TRIM44: variants seen among roughly 807,000 people sequenced by gnomAD.
TRIM44 encodes the protein tripartite motif containing 44.
TRIM44 carries 13 observed loss-of-function variants against 37.4 expected under a neutral mutation model. That is an observed-to-expected ratio of 0.35 (90% CI 0.23 to 0.55). TRIM44 has a LOEUF of 0.55. Among genes scored for constraint, TRIM44 ranks in the 20% least tolerant of loss-of-function variants. The probability of loss-of-function intolerance (pLI) is 0.89; values close to 1 mark genes in which losing one functional copy is unlikely to be tolerated. For synonymous variants in TRIM44, 175 were observed against 157.2 expected, an observed-to-expected ratio of 1.11 and a Z score of -0.85; for missense variants, 426 against 437.2, an observed-to-expected ratio of 0.97 and a Z score of 0.23.
At chr11:35,668,300 C>G (rs1269349312) in intron 1 of TRIM44, among the ~76,000 whole-genome samples, 2 of 152,186 alleles carry the variant, frequency 1.3e-5, no homozygotes, top group African/African-American at 4.8e-5. Flanking sequence ...CTGCACAGAT[C>G]ATCCCATCAC....
intron 4 of TRIM44, among the ~76,000 whole-genome samples, chr11:35,767,799 C>T (rs1399580840): frequency 6.6e-6 from 1 of 152,102 alleles, no homozygotes; most frequent in Non-Finnish European, 1.5e-5. Flanking sequence ...GATGTTTCAT[C>T]CATGCAATGC....
intron 1 of TRIM44, among the ~76,000 whole-genome samples, chr11:35,669,871 G>A (rs1325528873): frequency 6.6e-6 from 1 of 152,132 alleles, no homozygotes; most frequent in African/African-American, 2.4e-5. Flanking sequence ...TGCCCAGGAT[G>A]GAGTGCAGTA....
intron 1 of TRIM44, among the ~76,000 whole-genome samples, chr11:35,682,045 G>A (rs1851526398): frequency 7.0e-6 from 1 of 142,958 alleles, no homozygotes; most frequent in Non-Finnish European, 1.5e-5. Flanking sequence ...TGTAGCCTCT[G>A]CCTCCCAGGT....
At chr11:35,767,734 C>T (rs1852816770) in intron 4 of TRIM44, among the ~76,000 whole-genome samples, 1 of 152,104 alleles carries the variant, frequency 6.6e-6, no homozygotes, top group African/African-American at 2.4e-5. Context: ...CCCACATTAA[C>T]TATTTTTTAG....
chr11:35,786,049 T>C (rs1213188419), intron 4 of TRIM44, among the ~76,000 whole-genome samples: 5 of 152,234 alleles, frequency 3.3e-5, no homozygotes, highest in African/African-American at 1.2e-4. Context: ...TTTTCAACCA[T>C]AAATAGCTCC....
chr11:35,776,811 T>C (rs1005038217), intron 4 of TRIM44, among the ~76,000 whole-genome samples: 5 of 152,236 alleles, frequency 3.3e-5, no homozygotes, highest in African/African-American at 1.2e-4. Context: ...TGCACTGTGG[T>C]CTGAGAGACA....
At chr11:35,696,352 C>T (rs879657743) in intron 2 of TRIM44, among the ~76,000 whole-genome samples, 3 of 151,346 alleles carry the variant, frequency 2.0e-5, no homozygotes, top group Non-Finnish European at 4.4e-5. Context: ...CCATGTTAGC[C>T]AGGATGGTCT....
At chr11:35,769,418 T>C (rs936918699) in intron 4 of TRIM44, among the ~76,000 whole-genome samples, 4 of 152,236 alleles carry the variant, frequency 2.6e-5, no homozygotes, top group South Asian at 2.1e-4. Flanking sequence ...AGGAGTCTTA[T>C]GGTGCTCGCA....
intron 4 of TRIM44, among the ~76,000 whole-genome samples, chr11:35,763,615 A>G (rs1253070311): frequency 6.6e-6 from 1 of 152,196 alleles, no homozygotes; most frequent in African/African-American, 2.4e-5. Context: ...CTCTGGCTCT[A>G]AAACTCCAAG....
intron 1 of TRIM44, among the ~76,000 whole-genome samples, chr11:35,681,475 CCTT>C (rs1242120114): frequency 1.3e-5 from 2 of 152,090 alleles, no homozygotes; most frequent in Admixed American, 6.5e-5. Context: ...TTATTCTACA[CCTT>C]CTTAGGGGAG....
At position 35,725,930 on chromosome 11, in the gene TRIM44, C is replaced by T. The variant is rs1200328013; in HGVS notation, c.754C>T (p.Arg252Trp). ...KFKSSDPKVT[R>W]DQMKMFIQQE... ...ATTTGTCTCTGTTCTAAAGGTAACTCGGGACCAAATGAAGATGTTTATACA... is the reference window on the plus strand; with the variant it reads ...ATTTGTCTCTGTTCTAAAGGTAACTTGGGACCAAATGAAGATGTTTATACA... The change falls in exon 3 of 5, where the codon CGG becomes TGG. Residue 252 changes from arginine (R) to tryptophan (W), a missense_variant. By Grantham distance (101) the Arg-to-Trp change is moderately radical. Transcript: ENST00000299413. 13 of 1,613,714 alleles carry T rather than the reference C, an allele frequency of 8.1e-6. No homozygotes were observed. Among genetic ancestry groups the T allele is most frequent in the South Asian group, 5.5e-5 (5 of 91,024 alleles).
chr11:35,694,762 T>C (rs1176988535), intron 2 of TRIM44, among the ~76,000 whole-genome samples: 1 of 151,980 alleles, frequency 6.6e-6, no homozygotes, highest in Non-Finnish European at 1.5e-5. Context: ...AGTTGTGAGA[T>C]TATGAATCCA....
chr11:35,679,389 G>C (rs559386214), intron 1 of TRIM44, among the ~76,000 whole-genome samples: 1 of 152,282 alleles, frequency 6.6e-6, no homozygotes, highest in Admixed American at 6.5e-5. Context: ...GGGGTGGATG[G>C]ATCTGAATGT....
At chr11:35,788,603 T>C (rs1853159541) in intron 4 of TRIM44, among the ~76,000 whole-genome samples, 1 of 152,234 alleles carries the variant, frequency 6.6e-6, no homozygotes. Flanking sequence ...GTTGTGACCA[T>C]TCATGCCAAT....
intron 4 of TRIM44, among the ~76,000 whole-genome samples, chr11:35,763,729 G>C (rs1054524875): frequency 5.9e-5 from 9 of 152,332 alleles, no homozygotes; most frequent in Non-Finnish European, 1.2e-4. Flanking sequence ...GCATTTGTCT[G>C]CTTCTATTGG....
At chr11:35,750,585 T>C (rs113022474) in intron 4 of TRIM44, among the ~76,000 whole-genome samples, 5 of 152,330 alleles carry the variant, frequency 3.3e-5, no homozygotes, top group South Asian at 2.1e-4. Flanking sequence ...CCCACACTTA[T>C]TGACCGTAAG....
At chr11:35,670,325 TG>T in intron 1 of TRIM44, among the ~76,000 whole-genome samples, 1 of 152,342 alleles carries the variant, frequency 6.6e-6, no homozygotes, top group Non-Finnish European at 1.5e-5. Context: ...CTTTACTGAA[TG>T]TCACTAGTTT....
rs1672690916 is a variant in TRIM44, at chr11:35,812,811, G to C, written c.*6426G>C. The C allele has an allele frequency of 6.8e-6, 1 of 147,164 alleles. No individual in the cohort carries two copies. The highest frequency in any genetic ancestry group is 1.5e-5 in the Non-Finnish European group (1 of 65,194). 9.1% of individuals were successfully genotyped at this position (147,164 alleles called of 1,614,324 possible). On this transcript the variant is annotated 3_prime_UTR_variant, in exon 5 of 5. Transcript: ENST00000299413. ...GCCTGTAAAATGCAATGTACAGTGAGGGAAAGAAAGTCTAAGGGTAGCAGT... is the reference window on the plus strand; with the variant it reads ...GCCTGTAAAATGCAATGTACAGTGACGGAAAGAAAGTCTAAGGGTAGCAGT...
intron 2 of TRIM44, among the ~76,000 whole-genome samples, chr11:35,706,714 C>A (rs12575664): frequency 1.1e-4 from 16 of 151,098 alleles, no homozygotes; most frequent in Admixed American, 4.6e-4. Context: ...ATTCAACAAC[C>A]CTTCATGCTA....
Sources: allele counts gnomAD v4.1 joint callset (sites outside exome capture counted in the v4.1 genomes callset), GRCh38; gene constraint gnomAD v4.1.1; transcripts MANE v1.5; gene names NCBI Gene and HGNC (gene_info 2026-07-23, HGNC 2026-07-21).